MGAT5B: variants seen among roughly 807,000 people sequenced by gnomAD.
MGAT5B encodes the protein alpha-1,6-mannosylglycoprotein 6-beta-N-acetylglucosaminyltransferase B, also known as N-acetylglucosaminyl-transferase Vb.
Under a neutral mutation model 95.1 loss-of-function variants are expected in MGAT5B, and 54 were observed. That is an observed-to-expected ratio of 0.57 (90% CI 0.46 to 0.71). The LOEUF (loss-of-function observed/expected upper bound fraction) is 0.71. MGAT5B is among the 30% of genes least tolerant of loss of function. The pLI is 0.00. For synonymous variants in MGAT5B, 464 were observed against 451.0 expected (o/e 1.03, Z -0.36); for missense variants, 935 against 1,088.6 (o/e 0.86, Z 1.99).
At chr17:76,948,258 G>C (rs1970098019) in intron 17 of MGAT5B, among the ~76,000 whole-genome samples, 172 bp downstream of exon 17, 1 of 152,174 alleles carries the variant, frequency 6.6e-6, no homozygotes. Context: ...CATTATCCAG[G>C]TCATTGCTGC....
intron 9 of MGAT5B, among the ~76,000 whole-genome samples, chr17:76,926,353 T>A (rs1179025165): frequency 2.0e-5 from 3 of 152,230 alleles, no homozygotes; most frequent in Admixed American, 2.0e-4. Flanking sequence ...GTCAGGAGCT[T>A]CCCTACAACC....
At chr17:76,887,482 C>CCTCCCTCCCTCCCTTCCTCT (rs1287950764) in intron 3 of MGAT5B, among the ~76,000 whole-genome samples, 5 of 96,116 alleles carry the variant, frequency 5.2e-5, no homozygotes, top group Non-Finnish European at 2.0e-5. Flanking sequence ...TTCCTCCCTC[C>CCTCCCTCCCTCCCTTCCTCT]CTCCCTCCCT....
intron 3 of MGAT5B, among the ~76,000 whole-genome samples, chr17:76,901,164 G>T (rs1450147074): frequency 6.6e-6 from 1 of 152,156 alleles, no homozygotes; most frequent in African/African-American, 2.4e-5. Flanking sequence ...GTAGAGGGCG[G>T]GTGGCCATTG....
At position 76,938,248 on chromosome 17, in the gene MGAT5B, T is replaced by C. The variant is rs1360864000; in HGVS notation, c.1584+105T>C. 2 of 1,411,348 alleles carry C rather than the reference T, an allele frequency of 1.4e-6. No individual in the cohort carries two copies. The highest frequency in any genetic ancestry group is 1.4e-5 in the African/African-American group (1 of 70,648). The allele number at this position is 1,411,348 out of a possible 1,614,324, so 87.4% of individuals were successfully genotyped here. On this transcript the variant is annotated intron_variant, in intron 13 of 17. Coordinates refer to ENST00000569840, the MANE Select transcript of MGAT5B (RefSeq NM_001199172.2). This position sits in a 1 kb window ranked among gnomAD's most constrained non-coding sequence, Gnocchi z 4.3. ...CTCAGGCCCCTTCCACATATGGACA[T>C]ACCCCAGCATGCTCTGCTGCCCTGA...
intron 3 of MGAT5B, 41 bp from the exon 4 acceptor site, chr17:76,902,514 C>T (rs1417690088): frequency 6.7e-7 from 1 of 1,483,626 alleles, no homozygotes; most frequent in Admixed American, 2.0e-5. Context: ...GAAGGTCACC[C>T]CGGCCGGTTC....
intron 4 of MGAT5B, among the ~76,000 whole-genome samples, chr17:76,903,091 C>T (rs58184124): frequency 7.6e-4 from 115 of 152,252 alleles, no homozygotes; most frequent in Admixed American, 2.5e-3. Context: ...AGTGGCTGTT[C>T]GCACCAGCTC....
At position 76,917,703 on chromosome 17, in the gene MGAT5B, AC is replaced by A. The variant is rs1300351454; in HGVS notation, c.1026-7262del. ...CGGAGTCTTACCCCAAGGTCCCTGC[AC>A]AGGTTGGTTCTCAGCAAAGGTTGGT... On this transcript the variant is annotated intron_variant, in intron 8 of 17. Coordinates refer to ENST00000569840, the MANE Select transcript of MGAT5B (RefSeq NM_001199172.2). The surrounding 1 kb of genome is among the most constrained non-coding windows in gnomAD (Gnocchi z 6.1). Among the ~76,000 whole-genome samples the A allele has an allele frequency of 6.6e-6, 1 of 151,996 alleles. No individual in the cohort carries two copies. The highest frequency in any genetic ancestry group is 1.5e-5 in the Non-Finnish European group (1 of 67,994).
At chr17:76,908,811 CTT>C (rs138361073) in intron 8 of MGAT5B, among the ~76,000 whole-genome samples, 2 of 140,754 alleles carry the variant, frequency 1.4e-5, no homozygotes, top group Non-Finnish European at 3.1e-5. Context: ...ACTCTGCTAT[CTT>C]TTTTTTTTTT....
At chr17:76,928,630 G>A (rs901855361) in intron 10 of MGAT5B, among the ~76,000 whole-genome samples, 3 of 151,954 alleles carry the variant, frequency 2.0e-5, no homozygotes, top group African/African-American at 4.8e-5. Context: ...ACTTGAACCC[G>A]GGAGGTGGAT....
intron 13 of MGAT5B, among the ~76,000 whole-genome samples, chr17:76,939,516 A>AAAAAT (rs397690642): frequency 2.0e-5 from 3 of 150,586 alleles, no homozygotes; most frequent in Admixed American, 6.6e-5. Context: ...CCGTCTCAAA[A>AAAAAT]TTTTTTTTCA....
At position 76,912,991 on chromosome 17, in the gene MGAT5B, G is replaced by A. The variant is rs574715237; in HGVS notation, c.1025+6804G>A. ...TTTCAAGCATCATTAATAGTACATG[G>A]CATGAGAAAACATTACTGAGCTCTT... On this transcript the variant is annotated intron_variant, in intron 8 of 17. Coordinates refer to ENST00000569840, the MANE Select transcript of MGAT5B (RefSeq NM_001199172.2). This position sits in a 1 kb window ranked among gnomAD's most constrained non-coding sequence, Gnocchi z 5.0. Among the ~76,000 whole-genome samples, 4 of 152,298 alleles carry A rather than the reference G, an allele frequency of 2.6e-5. No individual in the cohort carries two copies. In the South Asian group the frequency reaches 6.2e-4, roughly 24 times the overall value.
intron 8 of MGAT5B, among the ~76,000 whole-genome samples, chr17:76,919,590 C>T (rs553358274): frequency 2.0e-5 from 3 of 152,210 alleles, no homozygotes; most frequent in South Asian, 2.1e-4. Flanking sequence ...CCACCATGCC[C>T]GGCTAATTTT....
In MGAT5B at chr17:76,869,788, G is replaced by A. The variant is rs1468589250; in HGVS notation, c.68+691G>A. On this transcript the variant is annotated intron_variant, in intron 1 of 17. Coordinates refer to ENST00000569840, the MANE Select transcript of MGAT5B (RefSeq NM_001199172.2). This position sits in a 1 kb window ranked among gnomAD's most constrained non-coding sequence, Gnocchi z 7.0. ...GCGTGGTGGGCGGGCGGTGGCGAAG[G>A]CGACACGCTTCGGGCGGCCAACACC... Among the ~76,000 whole-genome samples the A allele has an allele frequency of 6.6e-6, 1 of 152,150 alleles. No homozygotes were observed. The highest frequency in any genetic ancestry group is 2.1e-4 in the South Asian group (1 of 4,834).
chr17:76,903,461 C>A, intron 5 of MGAT5B, 85 bp downstream of exon 5: 1 of 1,079,886 alleles, frequency 9.3e-7, no homozygotes, highest in South Asian at 1.7e-5. Flanking sequence ...CACAAGCTGG[C>A]AGAGGCCAAC....
rs573056174 is a variant in MGAT5B, at chr17:76,869,617, C to T, written c.68+520C>T. Among the ~76,000 whole-genome samples, 6 of 152,302 alleles carry T rather than the reference C, an allele frequency of 3.9e-5. No individual in the cohort carries two copies. In the South Asian group the frequency reaches 8.3e-4, roughly 21 times the overall value. On this transcript the variant is annotated intron_variant, in intron 1 of 17. Coordinates refer to ENST00000569840, the MANE Select transcript of MGAT5B (RefSeq NM_001199172.2). The surrounding 1 kb of genome is among the most constrained non-coding windows in gnomAD (Gnocchi z 7.0). ...GCACTGCTCTCCTCCCCGCGGGGCTCGGGCCTGGCTCCGACGAGAGGGTCC... is the reference window on the plus strand; with the variant it reads ...GCACTGCTCTCCTCCCCGCGGGGCTTGGGCCTGGCTCCGACGAGAGGGTCC...
In MGAT5B at chr17:76,916,940, G is replaced by A. The variant is rs1418300911; in HGVS notation, c.1026-8026G>A. ...AGGGGTTCCCGCCTCTTAGAAACTG[G>A]GGCCAGGGCTGGTCTGGGGCTTTTT... On this transcript the variant is annotated intron_variant, in intron 8 of 17. Coordinates refer to ENST00000569840, the MANE Select transcript of MGAT5B (RefSeq NM_001199172.2). This position sits in a 1 kb window ranked among gnomAD's most constrained non-coding sequence, Gnocchi z 5.3. 6.6e-6 allele frequency among the ~76,000 whole-genome samples: 1 copy of A among 152,172 alleles called. No individual in the cohort carries two copies. Among genetic ancestry groups the A allele is most frequent in the African/African-American group, 2.4e-5 (1 of 41,428 alleles).
At position 76,932,660 on chromosome 17, in the gene MGAT5B, A is replaced by G; in HGVS notation, c.1307A>G (p.Asn436Ser). 2 of 1,613,568 alleles carry G rather than the reference A, an allele frequency of 1.2e-6. No homozygotes were observed. The highest frequency in any genetic ancestry group is 1.7e-6 in the Non-Finnish European group (2 of 1,179,770). Reference sequence around the variant, plus strand: ...CGGGCTGCAGCTCATACCCCCGACAACTCCTTCATGGGCTTCGTGTCCGAG... The same window carrying G: ...CGGGCTGCAGCTCATACCCCCGACAGCTCCTTCATGGGCTTCGTGTCCGAG... ...FMTMFPHTPD[N>S]SFMGFVSEEL... The change falls in exon 11 of 18, where the codon AAC becomes AGC. Residue 436 changes from asparagine (N) to serine (S), a missense_variant. Asn to Ser is a conservative substitution (Grantham distance 46). This residue lies in a region of MGAT5B where 440 missense variants were observed against 523.6 expected (regional missense o/e 0.84). Coordinates refer to ENST00000569840, the MANE Select transcript of MGAT5B (RefSeq NM_001199172.2).
chr17:76,940,368 C>A lies in MGAT5B; in HGVS notation c.1585-34C>A. 1 of 1,541,412 alleles carries A rather than the reference C, an allele frequency of 6.5e-7. No homozygotes were observed. Among genetic ancestry groups the A allele is most frequent in the South Asian group, 1.3e-5 (1 of 79,908 alleles). ...TGCTTACTGGGCTGTGGCGGCCCAG[C>A]CCTCCCTGATCACTGCGCCCCTTGA... On this transcript the variant is annotated intron_variant, in intron 13 of 17. Coordinates refer to ENST00000569840, the MANE Select transcript of MGAT5B (RefSeq NM_001199172.2). This position sits in a 1 kb window ranked among gnomAD's most constrained non-coding sequence, Gnocchi z 4.3.
At chr17:76,896,346 A>C (rs958475156) in intron 3 of MGAT5B, among the ~76,000 whole-genome samples, 3 of 152,252 alleles carry the variant, frequency 2.0e-5, no homozygotes, top group African/African-American at 7.2e-5. Flanking sequence ...GAACTTGTTA[A>C]ATCAGACAGA....
Sources: allele counts gnomAD v4.1 joint callset (sites outside exome capture counted in the v4.1 genomes callset), GRCh38; gene constraint gnomAD v4.1.1; regional missense constraint gnomAD v4.1.1; non-coding constraint Gnocchi (gnomAD v3.1); transcripts MANE v1.5; gene names NCBI Gene and HGNC (gene_info 2026-07-23, HGNC 2026-07-21).